Variants in FANCL observed in about 807,000 individuals in gnomAD.
FANCL encodes the protein FA complementation group L.
FANCL carries 69 observed loss-of-function variants against 59.4 expected under a neutral mutation model. That is an observed-to-expected ratio of 1.16 (90% CI 0.96 to 1.42). The LOEUF is 1.42. Among genes scored for constraint, FANCL ranks in the 40% most tolerant of loss-of-function variants. FANCL has a pLI of 0.00. For missense variants in FANCL, 519 were observed against 447.2 expected, an observed-to-expected ratio of 1.16 and a Z score of -1.45; for synonymous variants, 180 against 147.1, an observed-to-expected ratio of 1.22 and a Z score of -1.62.
chr2:58,176,942 C>G (rs1042267137), intron 7 of FANCL, among the ~76,000 whole-genome samples: 4 of 151,894 alleles, frequency 2.6e-5, no homozygotes, highest in Non-Finnish European at 5.9e-5. Context: ...AAGAAAAAAA[C>G]AAACAACCCC....
At chr2:58,171,908 C>A (rs1339064031) in intron 7 of FANCL, among the ~76,000 whole-genome samples, 3 of 152,212 alleles carry the variant, frequency 2.0e-5, no homozygotes, top group African/African-American at 7.2e-5. Flanking sequence ...CACCCCAATA[C>A]TGCGCTTTTC....
intron 5 of FANCL, among the ~76,000 whole-genome samples, chr2:58,215,850 T>C (rs1295579471): frequency 6.6e-6 from 1 of 151,574 alleles, no homozygotes; most frequent in Non-Finnish European, 1.5e-5. Flanking sequence ...TTCTGATAAA[T>C]CCTTAAACTG....
rs1042486949 is a variant in FANCL, at chr2:58,226,921, G to T, written c.217-137C>A. On this transcript the variant is annotated intron_variant, in intron 3 of 13. Coordinates refer to ENST00000233741, the MANE Select transcript of FANCL (RefSeq NM_018062.4). ...ACATCTGAAAACTATAAGAAATGAA[G>T]TATCGGTCATCAACTTTACTACTCC... The T allele has an allele frequency of 1.1e-5, 8 of 728,544 alleles. No individual in the cohort carries two copies. The African/African-American group carries it at 1.4e-4, about 13-fold the overall frequency. 45.1% of individuals were successfully genotyped at this position (728,544 alleles called of 1,614,324 possible).
chr2:58,227,382 C>T (rs1294172412), intron 3 of FANCL, among the ~76,000 whole-genome samples: 2 of 152,162 alleles, frequency 1.3e-5, no homozygotes, highest in Non-Finnish European at 2.9e-5. Flanking sequence ...AATTGGATCA[C>T]ATGTGGGCTT....
At chr2:58,219,366 T>C (rs1692247188) in intron 5 of FANCL, among the ~76,000 whole-genome samples, 1 of 150,726 alleles carries the variant, frequency 6.6e-6, no homozygotes, top group Admixed American at 6.6e-5. Context: ...AATAAATGAC[T>C]GAAAAAACAA....
At chr2:58,176,313 C>G (rs1188303242) in intron 7 of FANCL, among the ~76,000 whole-genome samples, 1 of 152,068 alleles carries the variant, frequency 6.6e-6, no homozygotes, top group Non-Finnish European at 1.5e-5. Context: ...AAAGAGCCCG[C>G]ATCGCCAAGT....
At chr2:58,171,310 T>G (rs980824523) in intron 7 of FANCL, among the ~76,000 whole-genome samples, 2 of 151,986 alleles carry the variant, frequency 1.3e-5, no homozygotes, top group Admixed American at 1.3e-4. Context: ...AATAAATAAG[T>G]TTTTTGAAAC....
Position 58,159,435 on chromosome 2 carries a change from A to C in FANCL, c.*330T>G. On this transcript the variant is annotated 3_prime_UTR_variant, in exon 14 of 14. Coordinates refer to ENST00000233741, the MANE Select transcript of FANCL (RefSeq NM_018062.4). ...GTTTCCCACAAAAAATCAGCTATAC[A>C]CAATTCCCAAACTCATTTTATGAGC... 6.2e-7 allele frequency: 1 copy of C among 1,613,630 alleles called. No homozygotes were observed. The highest frequency in any genetic ancestry group is 2.2e-5 in the East Asian group (1 of 44,842).
At chr2:58,220,830 C>T (rs1013547780) in intron 5 of FANCL, among the ~76,000 whole-genome samples, 2 of 152,102 alleles carry the variant, frequency 1.3e-5, no homozygotes, top group African/African-American at 4.8e-5. Flanking sequence ...CACATTGTAC[C>T]TAAGTTAGCC....
In FANCL at chr2:58,159,375, T is replaced by A; in HGVS notation, c.*390A>T. ...AAAGCACAAGGAGAAGACAGAAATA[T>A]CAAGAGTCTCAAGAACCTTTGAATG... On this transcript the variant is annotated 3_prime_UTR_variant, in exon 14 of 14. Transcript: ENST00000233741. The A allele has an allele frequency of 6.2e-7, 1 of 1,610,310 alleles. No homozygotes were observed. Among genetic ancestry groups the A allele is most frequent in the Non-Finnish European group, 8.5e-7 (1 of 1,178,616 alleles).
intron 7 of FANCL, among the ~76,000 whole-genome samples, chr2:58,172,756 C>T (rs924411079): frequency 1.3e-5 from 2 of 152,178 alleles, no homozygotes; most frequent in African/African-American, 4.8e-5. Flanking sequence ...GAACACAGCT[C>T]CTCACCAGCA....
At chr2:58,196,966 A>G (rs1689492879) in intron 7 of FANCL, among the ~76,000 whole-genome samples, 1 of 151,884 alleles carries the variant, frequency 6.6e-6, no homozygotes, top group Admixed American at 6.6e-5. Context: ...CATGGGTCTC[A>G]TGAAATTTTT....
intron 5 of FANCL, among the ~76,000 whole-genome samples, chr2:58,204,603 T>A (rs1690395057): frequency 6.6e-6 from 1 of 152,142 alleles, no homozygotes; most frequent in Non-Finnish European, 1.5e-5. Flanking sequence ...TGTAGTTTCA[T>A]ACAGTATGAG....
chr2:58,170,219 G>A (rs1686429970), intron 7 of FANCL, among the ~76,000 whole-genome samples: 1 of 152,104 alleles, frequency 6.6e-6, no homozygotes. Flanking sequence ...AGAAGAGAGT[G>A]GGGGCCAATA....
At chr2:58,177,740 C>T (rs540790086) in intron 7 of FANCL, among the ~76,000 whole-genome samples, 29 of 150,526 alleles carry the variant, frequency 1.9e-4, no homozygotes, top group Middle Eastern at 3.4e-3. Context: ...ATGTAAGTAA[C>T]CTGCACATTG....
intron 5 of FANCL, among the ~76,000 whole-genome samples, chr2:58,204,897 A>C (rs1690435761): frequency 6.6e-6 from 1 of 152,102 alleles, no homozygotes; most frequent in South Asian, 2.1e-4. Context: ...TAAATGCATG[A>C]ATTTTCTACA....
At chr2:58,178,689 TC>T (rs1215416200) in intron 7 of FANCL, among the ~76,000 whole-genome samples, 11 of 152,128 alleles carry the variant, frequency 7.2e-5, no homozygotes, top group African/African-American at 2.4e-4. Flanking sequence ...GGATGCTCTC[TC>T]TCACCACTCC....
chr2:58,209,271 G>C (rs1478242429), intron 5 of FANCL, among the ~76,000 whole-genome samples: 2 of 152,150 alleles, frequency 1.3e-5, no homozygotes, highest in Non-Finnish European at 2.9e-5. Flanking sequence ...AGAGGATGTT[G>C]TCAGACTGGT....
intron 4 of FANCL, 96 bp downstream of exon 4, chr2:58,226,632 G>A: frequency 2.2e-6 from 2 of 899,510 alleles, no homozygotes; most frequent in Non-Finnish European, 3.6e-6. Flanking sequence ...GAGTTAAGAA[G>A]ACAAATTCTA....
Sources: gnomAD v4.1 joint callset for allele counts (sites outside exome capture counted in the v4.1 genomes callset) on GRCh38, gnomAD v4.1.1 for gene constraint, MANE v1.5 for transcripts, NCBI Gene and HGNC (gene_info 2026-07-23, HGNC 2026-07-21) for gene names.